DNAH14: variants seen among roughly 807,000 people sequenced by gnomAD.
The protein encoded by DNAH14 is axonemal beta dynein heavy chain 14.
A neutral mutation model predicts 520.9 loss-of-function variants in DNAH14; 478 were observed. The ratio of observed to expected loss-of-function variants is 0.92; its 90% CI spans 0.85 to 0.99. The LOEUF (loss-of-function observed/expected upper bound fraction) is 0.99. Among genes scored for constraint, DNAH14 ranks in the 50% least tolerant of loss-of-function variants. The probability of loss-of-function intolerance (pLI) is 0.00; values close to 1 mark genes in which losing one functional copy is unlikely to be tolerated. For synonymous variants in DNAH14, 1,581 were observed against 1,757.2 expected, an observed-to-expected ratio of 0.90 and a Z score of 2.51; for missense variants, 4,831 against 5,234.5, an observed-to-expected ratio of 0.92 and a Z score of 2.38.
intron 8 of DNAH14, among the ~76,000 whole-genome samples, chr1:224,993,052 T>A (rs922924754): frequency 4.6e-5 from 7 of 152,128 alleles, no homozygotes; most frequent in African/African-American, 7.2e-5. Context: ...CAGGGTTAAA[T>A]CCTAGTTGAC....
intron 3 of DNAH14, among the ~76,000 whole-genome samples, chr1:224,959,041 G>A (rs572400617): frequency 2.0e-5 from 3 of 152,184 alleles, no homozygotes; most frequent in Admixed American, 2.0e-4. Flanking sequence ...GGTAAATGGA[G>A]TGTGGGAATA....
At chr1:225,347,484 AG>A in intron 71 of DNAH14, among the ~76,000 whole-genome samples, 1 of 152,304 alleles carries the variant, frequency 6.6e-6, no homozygotes, top group Admixed American at 6.5e-5. Context: ...TAGAAACAAA[AG>A]AGTAGACAGT....
intron 17 of DNAH14, among the ~76,000 whole-genome samples, chr1:225,066,839 T>A (rs1327020953): frequency 6.6e-6 from 1 of 152,150 alleles, no homozygotes; most frequent in Non-Finnish European, 1.5e-5. Context: ...TGCTGCTTTT[T>A]ATGGTTGAGT....
chr1:225,177,982 C>T (rs1201760353), intron 36 of DNAH14, among the ~76,000 whole-genome samples: 4 of 152,096 alleles, frequency 2.6e-5, no homozygotes, highest in African/African-American at 9.7e-5. Flanking sequence ...CAATGCCAGC[C>T]CTTGAAAACA....
At chr1:225,005,513 C>T (rs370308810) in intron 9 of DNAH14, among the ~76,000 whole-genome samples, 1 of 151,946 alleles carries the variant, frequency 6.6e-6, no homozygotes, top group Non-Finnish European at 1.5e-5. Context: ...GCAATAAAGA[C>T]TTTAATTAGG....
chr1:225,077,523 G>A (rs1304774359), intron 17 of DNAH14, among the ~76,000 whole-genome samples: 3 of 152,034 alleles, frequency 2.0e-5, no homozygotes, highest in East Asian at 3.9e-4. Flanking sequence ...ATTAGTATTT[G>A]TATTGGAGTC....
chr1:225,036,455 A>T (rs945799997), intron 11 of DNAH14, among the ~76,000 whole-genome samples: 3 of 152,040 alleles, frequency 2.0e-5, no homozygotes, highest in Non-Finnish European at 2.9e-5. Flanking sequence ...GTTTTTAAGG[A>T]TTCAGGGTGG....
chr1:224,939,557 G>C (rs571535100), intron 1 of DNAH14, among the ~76,000 whole-genome samples: 1 of 152,030 alleles, frequency 6.6e-6, no homozygotes, highest in Non-Finnish European at 1.5e-5. Flanking sequence ...GGTGGTGGAC[G>C]CCTGTTGTCC....
At chr1:225,054,809 A>G (rs1376503115) in intron 17 of DNAH14, among the ~76,000 whole-genome samples, 1 of 152,068 alleles carries the variant, frequency 6.6e-6, no homozygotes, top group Non-Finnish European at 1.5e-5. Context: ...TTGCCAAGTT[A>G]ATTTTTGCCC....
intron 52 of DNAH14, among the ~76,000 whole-genome samples, chr1:225,274,197 A>ATTTTTTTTTTTTTTTTTTTTTTTTT (rs869247051): frequency 5.4e-5 from 5 of 92,882 alleles, no homozygotes; most frequent in African/African-American, 8.0e-5. Context: ...AGCATCTGTT[A>ATTTTTTTTTTTTTTTTTTTTTTTTT]TTTTTTTTTT....
At position 225,117,678 on chromosome 1, in the gene DNAH14, G is replaced by A. The variant is rs1485643538; in HGVS notation, c.3868-6G>A. 11 of 1,502,664 alleles carry A rather than the reference G, an allele frequency of 7.3e-6. No individual in the cohort carries two copies. In the East Asian group the frequency reaches 9.8e-5, roughly 13 times the overall value. 93.1% of individuals were successfully genotyped at this position (1,502,664 alleles called of 1,614,324 possible). ...TCTGAATTGCATTTCTTTTGATTCT[G>A]GACAGGATTACCTTGAAGTTAAAAG... On this transcript the variant is annotated splice_region_variant and splice_polypyrimidine_tract_variant and intron_variant, in intron 23 of 85. Coordinates refer to ENST00000682510, the MANE Select transcript of DNAH14 (RefSeq NM_001367479.1).
chr1:225,004,140 G>C (rs2063983171), intron 9 of DNAH14, among the ~76,000 whole-genome samples: 1 of 152,082 alleles, frequency 6.6e-6, no homozygotes, highest in Non-Finnish European at 1.5e-5. Flanking sequence ...TATGCGAAAT[G>C]CTGTGCAAAA....
chr1:225,142,982 TTTCAA>T (rs1394153837), intron 28 of DNAH14, among the ~76,000 whole-genome samples: 2 of 152,228 alleles, frequency 1.3e-5, no homozygotes, highest in East Asian at 3.9e-4. Flanking sequence ...TTTTTTTTTC[TTTCAA>T]TTCATTTGTG....
chr1:225,078,794 CTCTCTCTCTCTCTCTCTCTCTCTCTCTCT>C (rs1449613450), intron 17 of DNAH14, among the ~76,000 whole-genome samples: 13 of 51,078 alleles, frequency 2.5e-4, no homozygotes, highest in Admixed American at 4.5e-4. Context: ...CTCTCTCTCT[CTCTCTCTCTCTCTCTCTCTCTCTCTCTCT>C]CCCTCTCTCT....
intron 41 of DNAH14, among the ~76,000 whole-genome samples, chr1:225,213,229 T>C (rs1000922704): frequency 6.6e-6 from 1 of 152,180 alleles, no homozygotes; most frequent in Non-Finnish European, 1.5e-5. Context: ...AGATGTGTGG[T>C]ATTATTTCTG....
At chr1:225,116,794 A>C (rs2076902042) in intron 23 of DNAH14, among the ~76,000 whole-genome samples, 1 of 152,224 alleles carries the variant, frequency 6.6e-6, no homozygotes, top group African/African-American at 2.4e-5. Context: ...TGAAGGGCAG[A>C]GTCAACAGTA....
chr1:225,260,124 G>T (rs2092882760), intron 46 of DNAH14, among the ~76,000 whole-genome samples: 1 of 152,098 alleles, frequency 6.6e-6, no homozygotes. Context: ...GCAGAGGCAG[G>T]TGGATCACCT....
At chr1:225,335,973 A>ATACGCATATATG (rs1354008460) in intron 66 of DNAH14, among the ~76,000 whole-genome samples, 15 of 145,700 alleles carry the variant, frequency 1.0e-4, no homozygotes, top group African/African-American at 3.5e-4. Flanking sequence ...ACATATATGT[A>ATACGCATATATG]CATATGTGTA....
chr1:225,363,848 G>A (rs966234748), intron 75 of DNAH14, among the ~76,000 whole-genome samples: 4 of 152,136 alleles, frequency 2.6e-5, no homozygotes, highest in Non-Finnish European at 2.9e-5. Flanking sequence ...AAAGAAAAAA[G>A]TCTGTATAGG....
Sources: gnomAD v4.1 joint callset for allele counts (sites outside exome capture counted in the v4.1 genomes callset) on GRCh38, gnomAD v4.1.1 for gene constraint, MANE v1.5 for transcripts, NCBI Gene and HGNC (gene_info 2026-07-23, HGNC 2026-07-21) for gene names.